The following PARP8 variants were observed in gnomAD, a reference collection of about 807,000 sequenced individuals.
PARP8 encodes protein mono-ADP-ribosyltransferase PARP8.
In PARP8, 51 loss-of-function variants were observed where a neutral mutation model predicts 124.1. That is an observed-to-expected ratio of 0.41 (90% CI 0.33 to 0.52). The LOEUF (loss-of-function observed/expected upper bound fraction) is 0.52, where lower values mean the gene tolerates loss of function less well. PARP8 is among the 20% of genes least tolerant of loss of function. The pLI is 0.21. For synonymous variants in PARP8, 391 were observed against 361.5 expected (o/e 1.08, Z -0.93); for missense variants, 860 against 1,018.9 (o/e 0.84, Z 2.12).
chr5:50,819,427 C>CTTTTTTTTTTTT lies in PARP8; in HGVS notation c.1669-1767_1669-1756dup, dbSNP rs34347134. 1.2e-3 allele frequency among the ~76,000 whole-genome samples: 58 copies of CTTTTTTTTTTTT among 46,648 alleles called. 2 individuals carry two copies. The highest frequency in any genetic ancestry group is 0.022 in the Middle Eastern group (1 of 46). 30.6% of individuals were successfully genotyped at this position (46,648 alleles called of 152,430 possible). On this transcript the variant is annotated intron_variant, in intron 15 of 25. Coordinates refer to ENST00000281631, the MANE Select transcript of PARP8 (RefSeq NM_024615.4). Reference sequence around the variant, plus strand: ...GTCTCAGAAAAGGCTATTTTATCTTCTTTTTTTTTTTTTTTTTTTTTTTTT... The same window carrying CTTTTTTTTTTTT: ...GTCTCAGAAAAGGCTATTTTATCTTCTTTTTTTTTTTTTTTTTTTTTTTTTTTTTTTTTTTTT...
chr5:50,690,764 A>T (rs1752406894), intron 2 of PARP8, among the ~76,000 whole-genome samples: 1 of 152,168 alleles, frequency 6.6e-6, no homozygotes, highest in Non-Finnish European at 1.5e-5. Flanking sequence ...CATGATTTCC[A>T]TCCCCAGCCA....
At position 50,794,279 on chromosome 5, in the gene PARP8, GT is replaced by G; in HGVS notation, c.812del (p.Leu271CysfsTer6). The stretch of plus-strand genomic sequence containing the variant: ...AATCCAATTGCCTGCACAATAAAAA[GT>G]TGTCAGAGAAGAAAGTGAAGTCTCC... ...EKSNCLHNKK[L>X]SEKKVKSPLH... On this transcript the variant is annotated frameshift_variant, in exon 11 of 26. Transcript: ENST00000281631. LOFTEE classifies it high-confidence loss of function. 6.2e-7 allele frequency: 1 copy of G among 1,613,646 alleles called. No individual in the cohort carries two copies. The highest frequency in any genetic ancestry group is 8.5e-7 in the Non-Finnish European group (1 of 1,179,710).
intron 2 of PARP8, among the ~76,000 whole-genome samples, chr5:50,690,594 T>C (rs1002636405): frequency 6.6e-6 from 1 of 152,180 alleles, no homozygotes; most frequent in African/African-American, 2.4e-5. Context: ...GTTCCATCAT[T>C]TGCCAATGGC....
intron 9 of PARP8, among the ~76,000 whole-genome samples, chr5:50,780,033 C>A (rs2149613670): frequency 6.6e-6 from 1 of 152,210 alleles, no homozygotes; most frequent in African/African-American, 2.4e-5. Context: ...AAAGGAATTT[C>A]TCATAATTCT....
chr5:50,667,810 C>T (rs1272251418), intron 1 of PARP8: 3 of 1,067,552 alleles, frequency 2.8e-6, no homozygotes, highest in Non-Finnish European at 2.8e-6. Flanking sequence ...GCTGAGGCTG[C>T]TTCCGGCCTC....
In PARP8 at chr5:50,697,851, T is replaced by G. The variant is rs1390730549; in HGVS notation, c.146+29726T>G. ...TCTCATTTGTCTTCAATAATGTGTTTCAGCATATGGCATATATACTCTTGT... is the reference window on the plus strand; with the variant it reads ...TCTCATTTGTCTTCAATAATGTGTTGCAGCATATGGCATATATACTCTTGT... On this transcript the variant is annotated intron_variant, in intron 2 of 25. Coordinates refer to ENST00000281631, the MANE Select transcript of PARP8 (RefSeq NM_024615.4). Among the ~76,000 whole-genome samples the G allele has an allele frequency of 3.3e-5, 5 of 152,240 alleles. No individual in the cohort carries two copies. The East Asian group carries it at 5.8e-4, about 18-fold the overall frequency.
intron 2 of PARP8, among the ~76,000 whole-genome samples, chr5:50,683,104 G>A (rs1751473444): frequency 6.6e-6 from 1 of 152,140 alleles, no homozygotes. Context: ...CATGAAGCGA[G>A]TGAGATGAGT....
At chr5:50,680,769 A>G (rs1273671551) in intron 2 of PARP8, among the ~76,000 whole-genome samples, 1 of 152,156 alleles carries the variant, frequency 6.6e-6, no homozygotes, top group African/African-American at 2.4e-5. Flanking sequence ...AAGAAAGAGG[A>G]CAGAAGTATA....
At chr5:50,825,719 A>G (rs987461008) in intron 18 of PARP8, among the ~76,000 whole-genome samples, 1 of 152,180 alleles carries the variant, frequency 6.6e-6, no homozygotes, top group Non-Finnish European at 1.5e-5. Flanking sequence ...ACTCCGTGAG[A>G]TTTACCATAC....
In PARP8 at chr5:50,795,017, C is replaced by T. The variant is rs1742371240; in HGVS notation, c.1028C>T (p.Ser343Phe). 10 of 1,614,180 alleles carry T rather than the reference C, an allele frequency of 6.2e-6. No individual in the cohort carries two copies. Among genetic ancestry groups the T allele is most frequent in the Non-Finnish European group, 7.6e-6 (9 of 1,180,024 alleles). The stretch of plus-strand genomic sequence containing the variant: ...AAGTCACACAGGACCTTTGGCCGCT[C>T]CTTGTCCAGCGATCCCAGGGCGGAG... ...VTKSHRTFGR[S>F]LSSDPRAEQA... The change falls in exon 12 of 26, where the codon TCC (serine) becomes TTC (phenylalanine). Residue 343 changes from serine to phenylalanine, a missense_variant. Ser to Phe is a radical substitution (Grantham distance 155, BLOSUM62 -2). Coordinates refer to ENST00000281631, the MANE Select transcript of PARP8 (RefSeq NM_024615.4).
At chr5:50,764,771 G>A (rs889616672) in intron 7 of PARP8, among the ~76,000 whole-genome samples, 1 of 151,082 alleles carries the variant, frequency 6.6e-6, no homozygotes, top group African/African-American at 2.4e-5. Context: ...AAGGCAATTG[G>A]GACTATCAAT....
At chr5:50,744,770 A>G in intron 2 of PARP8, 1 of 701,752 alleles carries the variant, frequency 1.4e-6, no homozygotes, top group Middle Eastern at 2.3e-4. Flanking sequence ...GTGAGGACAA[A>G]AGATGAGTAT....
chr5:50,800,372 A>C (rs1208343264), intron 14 of PARP8, among the ~76,000 whole-genome samples: 1 of 152,208 alleles, frequency 6.6e-6, no homozygotes, highest in Non-Finnish European at 1.5e-5. Flanking sequence ...TGTCTCTTGC[A>C]AATAGAGTTT....
At chr5:50,816,105 A>G (rs1237359837) in intron 15 of PARP8, among the ~76,000 whole-genome samples, 1 of 152,196 alleles carries the variant, frequency 6.6e-6, no homozygotes, top group Non-Finnish European at 1.5e-5. Context: ...GACCAACCAC[A>G]TACAGAAACA....
At chr5:50,719,763 G>T (rs1755686855) in intron 2 of PARP8, among the ~76,000 whole-genome samples, 1 of 151,888 alleles carries the variant, frequency 6.6e-6, no homozygotes, top group African/African-American at 2.4e-5. Context: ...TTAGAAGTTT[G>T]GTAGTTTAAA....
chr5:50,785,768 G>A (rs1435363402), intron 9 of PARP8, among the ~76,000 whole-genome samples: 1 of 152,104 alleles, frequency 6.6e-6, no homozygotes, highest in African/African-American at 2.4e-5. Flanking sequence ...CAGAGTAGTG[G>A]CCAACAGGGG....
chr5:50,825,799 G>A (rs1353057713), intron 18 of PARP8, among the ~76,000 whole-genome samples: 1 of 152,074 alleles, frequency 6.6e-6, no homozygotes, highest in Non-Finnish European at 1.5e-5. Context: ...CGACCAGGAA[G>A]TTTTAAAAAA....
In PARP8 at chr5:50,828,416, ATTC is replaced by A. The variant is rs768029161; in HGVS notation, c.2163+39_2163+41del. Reference sequence around the variant, plus strand: ...TTTCTGAATGCTTTCACAAGACTTCATTCTTCTTCAGAATTGAGATTCAGTAAG... The same window carrying A: ...TTTCTGAATGCTTTCACAAGACTTCATTCTTCAGAATTGAGATTCAGTAAG... On this transcript the variant is annotated intron_variant, in intron 21 of 25. Coordinates refer to ENST00000281631, the MANE Select transcript of PARP8 (RefSeq NM_024615.4). 5.1e-6 allele frequency: 8 copies of A among 1,570,758 alleles called. No individual in the cohort carries two copies. In the South Asian group the frequency reaches 7.8e-5, roughly 15 times the overall value.
At chr5:50,669,916 C>T (rs1294863954) in intron 2 of PARP8, among the ~76,000 whole-genome samples, 8 of 152,170 alleles carry the variant, frequency 5.3e-5, no homozygotes. Flanking sequence ...CTAATGTAGA[C>T]CAGCCTGTTA....
Sources: allele counts gnomAD v4.1 joint callset (sites outside exome capture counted in the v4.1 genomes callset), GRCh38; gene constraint gnomAD v4.1.1; transcripts MANE v1.5; gene names NCBI Gene and HGNC (gene_info 2026-07-23, HGNC 2026-07-21).